Variants in HRH1 observed in about 807,000 individuals in gnomAD.
HRH1 encodes the protein histamine H1 receptor.
In HRH1, 6 loss-of-function variants were observed where a neutral mutation model predicts 10.3. That is an observed-to-expected ratio of 0.58 (90% CI 0.32 to 1.15). The LOEUF is 1.15. Ranked by LOEUF, HRH1 falls within the 50% of genes most tolerant of loss-of-function variation. HRH1 has a pLI of 0.05. For missense variants in HRH1, 514 were observed against 615.3 expected, an observed-to-expected ratio of 0.84 and a Z score of 1.74; for synonymous variants, 242 against 236.7, an observed-to-expected ratio of 1.02 and a Z score of -0.21.
At chr3:11,184,444 C>G (rs1192663116) in intron 1 of HRH1, among the ~76,000 whole-genome samples, 1 of 152,122 alleles carries the variant, frequency 6.6e-6, no homozygotes, top group Non-Finnish European at 1.5e-5. Flanking sequence ...TGCTTCCTCT[C>G]TTAGAATGGC....
rs186178120 is a variant in HRH1 at position 11,167,942 on chromosome 3, C to T, written c.-36+13388C>T. On this transcript the variant is annotated intron_variant, in intron 1 of 1. Transcript: ENST00000431010. ...TGCTGAGATACAAGGATGAACAAGG[C>T]GGGAGAACCTGCCTTCCTAGGGCTT... Among the ~76,000 whole-genome samples, 511 of 152,266 alleles carry T rather than the reference C, an allele frequency of 3.4e-3. 2 individuals carry two copies. The highest frequency in any genetic ancestry group is 0.015 in the South Asian group (72 of 4,826).
intron 1 of HRH1, among the ~76,000 whole-genome samples, chr3:11,142,837 C>A (rs1936318420): frequency 6.6e-6 from 1 of 152,000 alleles, no homozygotes; most frequent in South Asian, 2.1e-4. Flanking sequence ...TTGCTTGTAC[C>A]AGGTAGGTGG....
intron 1 of HRH1, among the ~76,000 whole-genome samples, chr3:11,169,193 T>C (rs540266391): frequency 1.3e-5 from 2 of 152,238 alleles, no homozygotes; most frequent in Admixed American, 6.5e-5. Flanking sequence ...CTCTGTGGAA[T>C]AGGACCATAC....
chr3:11,250,271 G>C (rs1190002678), intron 1 of HRH1, among the ~76,000 whole-genome samples: 1 of 143,968 alleles, frequency 6.9e-6, no homozygotes, highest in African/African-American at 2.6e-5. Context: ...ATATTAGCCA[G>C]GATGGTCACG....
Position 11,200,738 on chromosome 3 carries a change from C to T in HRH1, c.-36+46184C>T, listed in dbSNP as rs371005384. Among the ~76,000 whole-genome samples the T allele has an allele frequency of 5.9e-5, 9 of 152,200 alleles. No individual in the cohort carries two copies. In the East Asian group the frequency reaches 7.7e-4, roughly 13 times the overall value. On this transcript the variant is annotated intron_variant, in intron 1 of 1. Transcript: ENST00000431010. ...ATATATGACCATTACCTAACCCTTA[C>T]GCAGAAAGTCATTTCCCCTGATCAT...
At chr3:11,139,274 G>A (rs1288457145) in intron 1 of HRH1, among the ~76,000 whole-genome samples, 1 of 148,506 alleles carries the variant, frequency 6.7e-6, no homozygotes, top group Non-Finnish European at 1.5e-5. Flanking sequence ...GGAACGAGCC[G>A]CCCGCCTTTT....
chr3:11,257,402 AC>A (rs1939810066), intron 1 of HRH1, among the ~76,000 whole-genome samples: 1 of 151,918 alleles, frequency 6.6e-6, no homozygotes, highest in African/African-American at 2.4e-5. Context: ...CTAAAAAAAT[AC>A]AAAAAAAATA....
chr3:11,215,567 A>G (rs1344577498), intron 1 of HRH1, among the ~76,000 whole-genome samples: 1 of 152,080 alleles, frequency 6.6e-6, no homozygotes, highest in Non-Finnish European at 1.5e-5. Context: ...CAGCCTCCCA[A>G]GTAGCTGGGA....
At chr3:11,258,826 T>G (rs1283674198) in intron 1 of HRH1, among the ~76,000 whole-genome samples, 177 bp from the exon 2 acceptor site, 1 of 152,182 alleles carries the variant, frequency 6.6e-6, no homozygotes, top group African/African-American at 2.4e-5. Flanking sequence ...AATAAATAGT[T>G]GTTAAGTGAG....
At chr3:11,187,150 A>G (rs915694244) in intron 1 of HRH1, among the ~76,000 whole-genome samples, 1 of 152,152 alleles carries the variant, frequency 6.6e-6, no homozygotes, top group African/African-American at 2.4e-5. Flanking sequence ...GAATAACCCA[A>G]CTTCAGGATC....
intron 1 of HRH1, among the ~76,000 whole-genome samples, chr3:11,180,389 C>T (rs954504865): frequency 1.3e-5 from 2 of 152,162 alleles, no homozygotes; most frequent in African/African-American, 4.8e-5. Context: ...TAGTTAGATT[C>T]TCGTAAGGAG....
intron 1 of HRH1, among the ~76,000 whole-genome samples, chr3:11,224,182 A>G (rs1938804038): frequency 6.6e-6 from 1 of 152,184 alleles, no homozygotes; most frequent in African/African-American, 2.4e-5. Context: ...CAGTTCTAGC[A>G]TGTGAGGCTG....
At chr3:11,200,169 C>T (rs567566437) in intron 1 of HRH1, among the ~76,000 whole-genome samples, 19 of 152,232 alleles carry the variant, frequency 1.2e-4, no homozygotes, top group African/African-American at 2.9e-4. Context: ...TTTGAGGACA[C>T]GACTGACAGA....
intron 1 of HRH1, among the ~76,000 whole-genome samples, chr3:11,187,048 G>A (rs991115589): frequency 1.4e-4 from 21 of 152,140 alleles, no homozygotes; most frequent in African/African-American, 4.6e-4. Context: ...AAGGTATGAC[G>A]TTCTTAAAAT....
chr3:11,217,253 G>A (rs1378824662), intron 1 of HRH1, among the ~76,000 whole-genome samples: 1 of 151,712 alleles, frequency 6.6e-6, no homozygotes, highest in Admixed American at 6.6e-5. Flanking sequence ...AGTGGGGCCA[G>A]GCGCAGTGGC....
chr3:11,213,788 TC>T (rs1306055015), intron 1 of HRH1, among the ~76,000 whole-genome samples: 1 of 152,222 alleles, frequency 6.6e-6, no homozygotes, highest in African/African-American at 2.4e-5. Flanking sequence ...GGCATGTAAG[TC>T]CTTTGCATGG....
chr3:11,235,747 C>T (rs1939165085), intron 1 of HRH1, among the ~76,000 whole-genome samples: 1 of 152,252 alleles, frequency 6.6e-6, no homozygotes, highest in South Asian at 2.1e-4. Flanking sequence ...CTCCCCACTT[C>T]ACCTCATCTG....
upstream of HRH1, among the ~76,000 whole-genome samples, chr3:11,150,829 TC>T (rs1243501340): frequency 1.3e-5 from 2 of 152,192 alleles, no homozygotes; most frequent in East Asian, 3.9e-4. Context: ...GATTCCTGTT[TC>T]CTAGAGGAGG....
At chr3:11,223,972 A>C (rs892323947) in intron 1 of HRH1, among the ~76,000 whole-genome samples, 3 of 152,162 alleles carry the variant, frequency 2.0e-5, no homozygotes, top group African/African-American at 7.2e-5. Context: ...CACAGAGGGC[A>C]CTGTCAGCAA....
Sources: gnomAD v4.1 joint callset for allele counts (sites outside exome capture counted in the v4.1 genomes callset) on GRCh38, gnomAD v4.1.1 for gene constraint, MANE v1.5 for transcripts, NCBI Gene and HGNC (gene_info 2026-07-23, HGNC 2026-07-21) for gene names.